EVI5L: variants seen among roughly 807,000 people sequenced by gnomAD.
The protein encoded by EVI5L is ecotropic viral integration site 5 like.
Under a neutral mutation model 106.1 loss-of-function variants are expected in EVI5L, and 30 were observed. The observed-to-expected ratio is 0.28, with a 90% confidence interval of 0.21 to 0.38. The LOEUF (loss-of-function observed/expected upper bound fraction) is 0.38, where lower values mean the gene tolerates loss of function less well. EVI5L is among the 10% of genes least tolerant of loss of function. The probability of loss-of-function intolerance (pLI) is 1.00; values close to 1 mark genes in which losing one functional copy is unlikely to be tolerated. For synonymous variants in EVI5L, 489 were observed against 483.3 expected (o/e 1.01, Z -0.15); for missense variants, 809 against 1,098.0 (o/e 0.74, Z 3.72).
intron 1 of EVI5L, among the ~76,000 whole-genome samples, chr19:7,833,712 A>G (rs1978306978): frequency 6.6e-6 from 1 of 152,204 alleles, no homozygotes; most frequent in African/African-American, 2.4e-5. Flanking sequence ...TCTTACTACA[A>G]GCCCTTGTGT....
intron 10 of EVI5L, among the ~76,000 whole-genome samples, chr19:7,855,452 G>A (rs1979474864): frequency 6.6e-6 from 1 of 152,230 alleles, no homozygotes; most frequent in Non-Finnish European, 1.5e-5. Context: ...GAGCAAGGGA[G>A]ACGTCTTCGA....
At chr19:7,855,114 C>CTT (rs200195743) in intron 10 of EVI5L, among the ~76,000 whole-genome samples, 22 of 132,614 alleles carry the variant, frequency 1.7e-4, no homozygotes, top group Admixed American at 4.6e-4. Context: ...ATATCTTTTT[C>CTT]TTTTTTTTTT....
In EVI5L at chr19:7,861,584, G is replaced by A. The variant is rs78171116; in HGVS notation, c.1504-294G>A. Reference sequence around the variant, plus strand: ...CTCCACCTGATCATGTCCCTGAGGGGATGGATCTCAGACCTCGGGGAGTCA... The same window carrying A: ...CTCCACCTGATCATGTCCCTGAGGGAATGGATCTCAGACCTCGGGGAGTCA... On this transcript the variant is annotated intron_variant, in intron 14 of 19. Transcript: ENST00000538904. 1.5e-3 allele frequency among the ~76,000 whole-genome samples: 229 copies of A among 152,344 alleles called. 3 individuals are homozygous for A. In the East Asian group the frequency reaches 0.035, roughly 24 times the overall value.
At chr19:7,839,460 A>T (rs961350444) in intron 1 of EVI5L, among the ~76,000 whole-genome samples, 14 of 152,124 alleles carry the variant, frequency 9.2e-5, no homozygotes, top group African/African-American at 3.4e-4. Flanking sequence ...TGGGAAGGGC[A>T]TGCACGTCTT....
chr19:7,846,363 TGGGGATGAGGGG>T (rs1319353544), intron 1 of EVI5L, 121 bp from the exon 2 acceptor site: 1 of 740,492 alleles, frequency 1.4e-6, no homozygotes, highest in East Asian at 3.1e-5. Context: ...CTGGGGCGCA[TGGGGATGAGGGG>T]TGCACGGACG....
chr19:7,848,907 G>T lies in EVI5L; in HGVS notation c.328-14G>T. 6.2e-7 allele frequency: 1 copy of T among 1,601,266 alleles called. No individual in the cohort carries two copies. The highest frequency in any genetic ancestry group is 8.5e-7 in the Non-Finnish European group (1 of 1,170,774). ...GGACCGAGTCCAGCCCCCGCTTCCC[G>T]CTCCCGTGGCCAGGAGCTGATCCGC... On this transcript the variant is annotated splice_polypyrimidine_tract_variant and intron_variant, in intron 3 of 19. Coordinates refer to ENST00000538904, the MANE Select transcript of EVI5L (RefSeq NM_001159944.3). This position sits in a 1 kb window ranked among gnomAD's most constrained non-coding sequence, Gnocchi z 4.8.
Position 7,850,779 on chromosome 19 carries a change from C to T in EVI5L, c.754-655C>T, listed in dbSNP as rs556315056. On this transcript the variant is annotated intron_variant, in intron 6 of 19. Transcript: ENST00000538904. The surrounding 1 kb of genome is among the most constrained non-coding windows in gnomAD (Gnocchi z 5.4). ...CAGGAGGCCTGGGCTGCAGAGAAGG[C>T]ACCACCCCACCTCAGGCTGGGTAGC... Among the ~76,000 whole-genome samples, 3 of 152,248 alleles carry T rather than the reference C, an allele frequency of 2.0e-5. No homozygotes were observed. The East Asian group carries it at 5.8e-4, about 30-fold the overall frequency.
chr19:7,843,082 GGTGT>G (rs1378504723), intron 1 of EVI5L, among the ~76,000 whole-genome samples: 7 of 148,802 alleles, frequency 4.7e-5, no homozygotes, highest in Non-Finnish European at 8.9e-5. Context: ...TGTGTGTATA[GGTGT>G]GTGAGTGTGT....
intron 17 of EVI5L, 102 bp downstream of exon 17, chr19:7,862,636 C>A (rs1464945749): frequency 1.9e-5 from 21 of 1,093,980 alleles, no homozygotes; most frequent in East Asian, 3.2e-5. Context: ...TCCTGCCTCC[C>A]GATCTGCCCC....
chr19:7,832,132 T>C (rs1473659132), intron 1 of EVI5L, among the ~76,000 whole-genome samples: 2 of 152,090 alleles, frequency 1.3e-5, no homozygotes, highest in Non-Finnish European at 2.9e-5. Flanking sequence ...CCCTCCCCAC[T>C]CCCAGCTCTG....
At chr19:7,852,539 CT>C (rs1451562997) in intron 8 of EVI5L, among the ~76,000 whole-genome samples, 1 of 134,550 alleles carries the variant, frequency 7.4e-6, no homozygotes, top group African/African-American at 2.7e-5. Flanking sequence ...GCCTGCTTTT[CT>C]TTTTTTCTTT....
In EVI5L at chr19:7,862,217, G is replaced by C; in HGVS notation, c.1740G>C (p.Glu580Asp). Residue 580 changes from glutamate to aspartate, a missense_variant, in exon 16 of 20, where the codon GAG becomes GAC. This residue lies in a region of EVI5L where 452 missense variants were observed against 509.9 expected (regional missense o/e 0.89). Transcript: ENST00000538904. The part of the protein sequence containing the change: ...QDELMSVRLR[E>D]AQALAEGREL... The stretch of plus-strand genomic sequence containing the variant: ...AGCTGATGAGCGTGCGTCTGCGCGA[G>C]GCCCAGGCCCTGGCCGAGGGCCGCG... The C allele has an allele frequency of 6.4e-7, 1 of 1,572,352 alleles. No individual in the cohort carries two copies. The highest frequency in any genetic ancestry group is 8.6e-7 in the Non-Finnish European group (1 of 1,160,686).
chr19:7,851,028 G>A (rs932038987), intron 6 of EVI5L, among the ~76,000 whole-genome samples: 1 of 152,060 alleles, frequency 6.6e-6, no homozygotes, highest in Non-Finnish European at 1.5e-5. Flanking sequence ...AGGTGGGGGG[G>A]GGGCTCCCCC....
Position 7,850,153 on chromosome 19 carries a change from A to G in EVI5L, c.753+31A>G. 1 of 1,587,988 alleles carries G rather than the reference A, an allele frequency of 6.3e-7. No individual in the cohort carries two copies. The highest frequency in any genetic ancestry group is 2.3e-5 in the East Asian group (1 of 44,242). On this transcript the variant is annotated intron_variant, in intron 6 of 19. Coordinates refer to ENST00000538904, the MANE Select transcript of EVI5L (RefSeq NM_001159944.3). The surrounding 1 kb of genome is among the most constrained non-coding windows in gnomAD (Gnocchi z 5.4). ...CAGGGCCGCAGGAGAGCAGGGCTGC[A>G]GGAGGGCAGGGCCACAGGTGGGCAG...
intron 1 of EVI5L, among the ~76,000 whole-genome samples, chr19:7,844,449 C>G (rs1256436547): frequency 6.6e-6 from 1 of 152,190 alleles, no homozygotes; most frequent in Non-Finnish European, 1.5e-5. Flanking sequence ...TGCTCCCCAA[C>G]TCCATCTGTG....
rs1979345314 is a variant in EVI5L at position 7,853,199 on chromosome 19, G to T, written c.1085+16G>T. 1.2e-6 allele frequency: 2 copies of T among 1,613,936 alleles called. No individual in the cohort carries two copies. The highest frequency in any genetic ancestry group is 1.7e-5 in the Admixed American group (1 of 60,018). ...AGATGAAGAGGTCGGTGCCTGCTGG[G>T]CAACCAGGGTACTGGTAAGAAGGGG... On this transcript the variant is annotated intron_variant, in intron 9 of 19. Coordinates refer to ENST00000538904, the MANE Select transcript of EVI5L (RefSeq NM_001159944.3).
chr19:7,858,290 C>T lies in EVI5L; in HGVS notation c.1333C>T (p.Gln445Ter). 2.6e-6 allele frequency: 4 copies of T among 1,550,232 alleles called. No homozygotes were observed. The highest frequency in any genetic ancestry group is 3.5e-6 in the Non-Finnish European group (4 of 1,147,458). The change falls in exon 13 of 20, where the codon CAG becomes TAG. Residue 445 changes from glutamine to a stop codon, truncating the protein, a stop_gained. Transcript: ENST00000538904. LOFTEE classifies it high-confidence loss of function. This position sits in a 1 kb window ranked among gnomAD's most constrained non-coding sequence, Gnocchi z 5.7. ...GTGCAGCTCGGCGGCCGAGGACCTG[C>T]AGAAGGCACAGAGCACCATCCGGCA... Reference protein sequence around the residue: ...QQCSSAAEDLQKAQSTIRQLQ... With the variant: ...QQCSSAAEDL
intron 1 of EVI5L, among the ~76,000 whole-genome samples, chr19:7,841,309 AG>A (rs1978592137): frequency 6.6e-6 from 1 of 152,096 alleles, no homozygotes; most frequent in African/African-American, 2.4e-5. Context: ...ATCAAGATCA[AG>A]GCCAAGGAGG....
intron 17 of EVI5L, 74 bp from the exon 18 acceptor site, chr19:7,862,898 T>C: frequency 1.1e-6 from 1 of 915,366 alleles, no homozygotes. Context: ...CATTCGCCCC[T>C]GCCCGCGGTC....
Sources: allele counts gnomAD v4.1 joint callset (sites outside exome capture counted in the v4.1 genomes callset), GRCh38; gene constraint gnomAD v4.1.1; regional missense constraint gnomAD v4.1.1; non-coding constraint Gnocchi (gnomAD v3.1); transcripts MANE v1.5; gene names NCBI Gene and HGNC (gene_info 2026-07-23, HGNC 2026-07-21).